KRI1: variants seen among roughly 807,000 people sequenced by gnomAD.
KRI1 encodes KRI1 homolog, also known as protein KRI1 homolog.
Under a neutral mutation model 97.0 loss-of-function variants are expected in KRI1, and 83 were observed. The ratio of observed to expected loss-of-function variants is 0.86; its 90% confidence interval spans 0.72 to 1.03. The LOEUF is 1.03. Among genes scored for constraint, KRI1 ranks in the 50% least tolerant of loss-of-function variants. KRI1 has a pLI of 0.00. For missense variants in KRI1, 916 were observed against 928.4 expected, an observed-to-expected ratio of 0.99 and a Z score of 0.17; for synonymous variants, 371 against 363.5, an observed-to-expected ratio of 1.02 and a Z score of -0.23.
chr19:10,565,106 C>T, intron 2 of KRI1, 72 bp from the exon 3 acceptor site: 1 of 1,000,632 alleles, frequency 1.0e-6, no homozygotes, highest in East Asian at 2.4e-5. Context: ...AGCAGGTGAG[C>T]TCAGCGTAGG....
In KRI1 at chr19:10,557,836, C is replaced by G; in HGVS notation, c.1419G>C (p.Thr473=). 6.2e-7 allele frequency: 1 copy of G among 1,613,546 alleles called. No homozygotes were observed. The change falls in exon 15 of 19, where the codon ACG becomes ACC. Residue 473 remains threonine, a synonymous_variant. Transcript: ENST00000312962. ...PRKKKREAPL[T]GKKKRKSPFA... ...AGGGCGACTTGCGCTTCTTCTTGCC[C>G]GTCAAGGGGGCCTCGCGCTTTTTCT...
intron 2 of KRI1, 76 bp downstream of exon 2, chr19:10,565,641 C>T (rs1599538534): frequency 6.7e-7 from 1 of 1,484,494 alleles, no homozygotes; most frequent in Non-Finnish European, 8.9e-7. Context: ...GGGTTCCCCC[C>T]CGTCTACATC....
chr19:10,553,196 C>A lies in KRI1; in HGVS notation c.*755G>T. ...GTCAGCCCCTCAAGCCCAGCTGCAA[C>A]CAGTCTGGGGCCATTCAGCCAGGGA... On this transcript the variant is annotated 3_prime_UTR_variant, in exon 19 of 19. Transcript: ENST00000312962. The A allele has an allele frequency of 8.4e-7, 1 of 1,190,948 alleles. No individual in the cohort carries two copies. The highest frequency in any genetic ancestry group is 1.1e-6 in the Non-Finnish European group (1 of 869,924). The allele number at this position is 1,190,948 out of a possible 1,614,324, so 73.8% of individuals were successfully genotyped here.
intron 16 of KRI1, 138 bp from the exon 17 acceptor site, chr19:10,555,487 A>T (rs902609033): frequency 2.3e-6 from 2 of 858,090 alleles, no homozygotes; most frequent in African/African-American, 3.3e-5. Flanking sequence ...GAGACAGCTG[A>T]TCTCTACAGA....
intron 14 of KRI1, 24 bp downstream of exon 14, chr19:10,557,948 A>G: frequency 6.2e-7 from 1 of 1,613,702 alleles, no homozygotes. Context: ...GGCCCCTGGG[A>G]CTCCCTCAAC....
Position 10,553,172 on chromosome 19 carries a change from T to C in KRI1, c.*779A>G. 1 of 1,374,522 alleles carries C rather than the reference T, an allele frequency of 7.3e-7. No homozygotes were observed. Among genetic ancestry groups the C allele is most frequent in the Non-Finnish European group, 9.7e-7 (1 of 1,033,596 alleles). The allele number at this position is 1,374,522 out of a possible 1,614,324, so 85.1% of individuals were successfully genotyped here. A position where few individuals can be genotyped will look rare whatever the true frequency, so the allele number is the denominator to read the frequency against. On this transcript the variant is annotated 3_prime_UTR_variant, in exon 19 of 19. Transcript: ENST00000312962. ...GCAGTGATGATGGTACTTCCTGTTGTCAGCCCCTCAAGCCCAGCTGCAACC... is the reference window on the plus strand; with the variant it reads ...GCAGTGATGATGGTACTTCCTGTTGCCAGCCCCTCAAGCCCAGCTGCAACC...
At position 10,560,671 on chromosome 19, in the gene KRI1, T is replaced by C. The variant is rs949380591; in HGVS notation, c.664-223A>G. 2.0e-5 allele frequency among the ~76,000 whole-genome samples: 3 copies of C among 152,148 alleles called. 1 individual carries two copies. In the South Asian group the frequency reaches 6.2e-4, roughly 31 times the overall value. ...GACCCAACCTCCCGGGCTCACAAGA[T>C]CCTCCCACCTTAGCCTCCCAAGTAT... is the stretch of plus-strand genomic sequence containing the variant. On this transcript the variant is annotated intron_variant, in intron 8 of 18. Transcript: ENST00000312962.
Position 10,563,167 on chromosome 19 carries a change from T to C in KRI1, c.275-330A>G, listed in dbSNP as rs546608545. On this transcript the variant is annotated intron_variant, in intron 3 of 18. Transcript: ENST00000312962. ...GCCTCCCGGGTTCAAGCTGTTCTCATGTCTCAGCCTCCCAAGCAGCTGGGA... is the reference window on the plus strand; with the variant it reads ...GCCTCCCGGGTTCAAGCTGTTCTCACGTCTCAGCCTCCCAAGCAGCTGGGA... Among the ~76,000 whole-genome samples the C allele has an allele frequency of 3.9e-5, 6 of 152,116 alleles. No individual in the cohort carries two copies. The East Asian group carries it at 7.7e-4, about 20-fold the overall frequency.
At position 10,554,246 on chromosome 19, in the gene KRI1, T is replaced by G. The variant is rs145455731; in HGVS notation, c.1817A>C (p.Gln606Pro). ...ETPAEATGKP[Q>P]RDEAGPQRQL... is the part of the protein sequence containing the mutation. ...CCTCTGTGGGCCGGCTTCATCTCTC[T>G]GTGGCTTCCCTGTGGCTTCCGCAGG... is the stretch of plus-strand genomic sequence containing the variant. Residue 606 changes from glutamine to proline, a missense_variant, in exon 19 of 19, where the codon CAG becomes CCG. Gln to Pro is a moderately conservative substitution (Grantham distance 76, BLOSUM62 -1). This residue lies in a region of KRI1 where 672 missense variants were observed against 667.2 expected (regional missense o/e 1.01). Coordinates refer to ENST00000312962, the MANE Select transcript of KRI1 (RefSeq NM_023008.5). 9.9e-6 allele frequency: 16 copies of G among 1,613,888 alleles called. 1 individual carries two copies. Among genetic ancestry groups the G allele is most frequent in the Non-Finnish European group, 1.3e-5 (15 of 1,179,976 alleles).
chr19:10,558,351 C>G, intron 12 of KRI1, 112 bp from the exon 13 acceptor site: 1 of 957,576 alleles, frequency 1.0e-6, no homozygotes, highest in African/African-American at 1.6e-5. Context: ...ACAGCTAGGG[C>G]TCCCTACAGC....
In KRI1 at chr19:10,557,852, C is replaced by T. The variant is rs777819426; in HGVS notation, c.1403G>A (p.Arg468His). The T allele has an allele frequency of 9.3e-6, 15 of 1,613,480 alleles. No individual in the cohort carries two copies. Among genetic ancestry groups the T allele is most frequent in the East Asian group, 2.2e-5 (1 of 44,896 alleles). Residue 468 changes from arginine to histidine, a missense_variant, in exon 15 of 19, where the codon CGC (arginine) becomes CAC (histidine). By Grantham distance (29) the Arg-to-His change is conservative. Transcript: ENST00000312962. ...YDPSQPRKKK[R>H]EAPLTGKKKR... The stretch of plus-strand genomic sequence containing the variant: ...CTTCTTGCCCGTCAAGGGGGCCTCG[C>T]GCTTTTTCTTCCTCGGCTGGCTGGG...
Position 10,554,174 on chromosome 19 carries a change from G to A in KRI1, c.1889C>T (p.Pro630Leu). Residue 630 changes from proline to leucine, a missense_variant, in exon 19 of 19, where the codon CCA becomes CTA. Transcript: ENST00000312962. ...DGSLMGPESP[P>L]AQEEEAPVSP... ...TACAGGGGCTTCCTCTTCCTGTGCT[G>A]GGGGACTCTCCGGCCCCATCAAGCT... 6.2e-7 allele frequency: 1 copy of A among 1,613,878 alleles called. No homozygotes were observed. The highest frequency in any genetic ancestry group is 8.5e-7 in the Non-Finnish European group (1 of 1,179,972).
Position 10,557,781 on chromosome 19 carries a change from C to A in KRI1, c.1474G>T (p.Val492Leu). ...FAAAVGQEKPVFEPGDKTFEE... is the reference protein window; with the variant it reads ...FAAAVGQEKPLFEPGDKTFEE... ...ACCTGGGCCTCACCGGGTTCAAACACGGGCTTCTCCTGCCCCACGGCCGCG... is the reference window on the plus strand; with the variant it reads ...ACCTGGGCCTCACCGGGTTCAAACAAGGGCTTCTCCTGCCCCACGGCCGCG... Residue 492 changes from valine (V) to leucine (L), a missense_variant, in exon 15 of 19, where the codon GTG (valine) becomes TTG (leucine). By Grantham distance (32) the Val-to-Leu change is conservative. Transcript: ENST00000312962. The A allele has an allele frequency of 1.2e-6, 2 of 1,613,276 alleles. No individual in the cohort carries two copies. Among genetic ancestry groups the A allele is most frequent in the South Asian group, 2.2e-5 (2 of 91,076 alleles).
intron 18 of KRI1, among the ~76,000 whole-genome samples, chr19:10,554,801 C>A (rs992531687): frequency 6.6e-6 from 1 of 152,150 alleles, no homozygotes; most frequent in African/African-American, 2.4e-5. Flanking sequence ...ACCTATGGGG[C>A]ATTTACCATA....
chr19:10,554,447 G>A (rs1272682495), intron 18 of KRI1, among the ~76,000 whole-genome samples, 166 bp from the exon 19 acceptor site: 2 of 152,214 alleles, frequency 1.3e-5, no homozygotes, highest in Admixed American at 1.3e-4. Flanking sequence ...GCCAAAGCCA[G>A]CGCTTTTCTA....
chr19:10,558,487 G>C (rs62128801), intron 12 of KRI1, among the ~76,000 whole-genome samples: 20,378 of 151,508 alleles, frequency 0.13, 1,476 homozygotes, highest in Middle Eastern at 0.19. Flanking sequence ...GTTCTTCGCC[G>C]TCCTACCCAC....
In KRI1 at chr19:10,555,089, T is replaced by C. The variant is rs1916457122; in HGVS notation, c.1779A>G (p.Glu593=). ...CTTCCCCAGCCAGCACTGCTTACTC[T>C]TCTCGGCAGAGTGACTTGAAGACCT... is the stretch of plus-strand genomic sequence containing the variant. ...KRQVFKSLCR[E]EAETPAEATG... is the part of the protein sequence containing the mutation. The change falls in exon 18 of 19, where the codon GAA becomes GAG. Residue 593 remains glutamate (E), a splice_region_variant and synonymous_variant. Coordinates refer to ENST00000312962, the MANE Select transcript of KRI1 (RefSeq NM_023008.5). The C allele has an allele frequency of 6.2e-7, 1 of 1,613,610 alleles. No individual in the cohort carries two copies. Among genetic ancestry groups the C allele is most frequent in the African/African-American group, 1.3e-5 (1 of 74,882 alleles).
chr19:10,553,471 G>A lies in KRI1; in HGVS notation c.*480C>T, dbSNP rs983747351. On this transcript the variant is annotated 3_prime_UTR_variant, in exon 19 of 19. Transcript: ENST00000312962. ...TGAGGGGATGTGGGGTCTGGGAGGTGTCTCGAGGTGAGAGCTCCAAGTCAC... is the reference window on the plus strand; with the variant it reads ...TGAGGGGATGTGGGGTCTGGGAGGTATCTCGAGGTGAGAGCTCCAAGTCAC... The A allele has an allele frequency of 5.2e-6, 1 of 192,082 alleles. No individual in the cohort carries two copies. Among genetic ancestry groups the A allele is most frequent in the African/African-American group, 2.3e-5 (1 of 42,878 alleles). 11.9% of individuals were successfully genotyped at this position (192,082 alleles called of 1,614,324 possible). A position where few individuals can be genotyped will look rare whatever the true frequency, so the allele number is the denominator to read the frequency against.
rs116845468 is a variant in KRI1 at position 10,555,639 on chromosome 19, G to A, written c.1618-290C>T. 6.0e-3 allele frequency among the ~76,000 whole-genome samples: 912 copies of A among 152,228 alleles called. 16 individuals are homozygous for A. Among genetic ancestry groups the A allele is most frequent in the East Asian group, 0.045 (234 of 5,174 alleles). ...GGCCCTTGAGCTGTCACCCATACCC[G>A]GCCATCCCCAAAGCCTCAGAACGGG... is the stretch of plus-strand genomic sequence containing the variant. On this transcript the variant is annotated intron_variant, in intron 16 of 18. Transcript: ENST00000312962.
Sources: gnomAD v4.1 joint callset for allele counts (sites outside exome capture counted in the v4.1 genomes callset) on GRCh38, gnomAD v4.1.1 for gene constraint, gnomAD v4.1.1 regional missense constraint, MANE v1.5 for transcripts, NCBI Gene and HGNC (gene_info 2026-07-23, HGNC 2026-07-21) for gene names.